The following PLEKHA7 variants were observed in gnomAD, a reference collection of about 807,000 sequenced individuals.
The protein encoded by PLEKHA7 is pleckstrin homology domain-containing family A member 7.
A neutral mutation model predicts 170.0 loss-of-function variants in PLEKHA7; 104 were observed. The ratio of observed to expected loss-of-function variants is 0.61; its 90% CI spans 0.52 to 0.72. PLEKHA7 has a LOEUF of 0.72. Ranked by LOEUF, PLEKHA7 falls within the 30% of genes least tolerant of loss-of-function variation. The pLI is 0.00. For synonymous variants in PLEKHA7, 648 were observed against 660.8 expected (o/e 0.98, Z 0.30); for missense variants, 1,615 against 1,671.7 (o/e 0.97, Z 0.59).
chr11:16,859,134 G>GC (rs991299459), intron 4 of PLEKHA7, among the ~76,000 whole-genome samples: 1 of 152,152 alleles, frequency 6.6e-6, no homozygotes, highest in Non-Finnish European at 1.5e-5. Flanking sequence ...CTTCACCAAG[G>GC]CCCCCCATGA....
chr11:16,959,447 C>T (rs569542201), intron 3 of PLEKHA7, among the ~76,000 whole-genome samples: 61 of 152,272 alleles, frequency 4.0e-4, no homozygotes, highest in Non-Finnish European at 4.4e-4. Context: ...TGTTTGTAAA[C>T]GTTTAATAAA....
intron 10 of PLEKHA7, among the ~76,000 whole-genome samples, chr11:16,822,144 T>C (rs1395445648): frequency 6.6e-6 from 1 of 152,114 alleles, no homozygotes; most frequent in African/African-American, 2.4e-5. Flanking sequence ...AATAACATGG[T>C]TTACAGGCTG....
intron 13 of PLEKHA7, among the ~76,000 whole-genome samples, chr11:16,803,937 A>G (rs1421191849): frequency 6.6e-6 from 1 of 152,226 alleles, no homozygotes; most frequent in African/African-American, 2.4e-5. Flanking sequence ...TGTGTAAGTT[A>G]CAAGAAAGGA....
chr11:16,951,523 G>A (rs11829035), intron 3 of PLEKHA7, among the ~76,000 whole-genome samples: 73,185 of 152,022 alleles, frequency 0.48, 18,459 homozygotes, highest in East Asian at 0.74. Flanking sequence ...ATGCAAATAC[G>A]GAGGCCCAGA....
intron 3 of PLEKHA7, among the ~76,000 whole-genome samples, chr11:16,985,177 T>C (rs148817352): frequency 1.5e-3 from 234 of 152,354 alleles, no homozygotes; most frequent in African/African-American, 5.5e-3. Context: ...GCCCAGCACC[T>C]GGCCCAGGGT....
intron 6 of PLEKHA7, 105 bp downstream of exon 6, chr11:16,854,784 G>A: frequency 7.3e-6 from 7 of 958,592 alleles, no homozygotes; most frequent in South Asian, 5.8e-5. Context: ...ACAAACTCAG[G>A]AACAGAAAGC....
At chr11:16,909,911 C>T (rs1229797704) in intron 3 of PLEKHA7, among the ~76,000 whole-genome samples, 1 of 152,144 alleles carries the variant, frequency 6.6e-6, no homozygotes, top group Non-Finnish European at 1.5e-5. Flanking sequence ...AAGAAACCAG[C>T]TGTTGCCAGA....
At chr11:16,846,851 A>C (rs567754940) in intron 8 of PLEKHA7, among the ~76,000 whole-genome samples, 1 of 152,322 alleles carries the variant, frequency 6.6e-6, no homozygotes, top group South Asian at 2.1e-4. Context: ...CTCTGTCTAC[A>C]GAATGGGACT....
intron 24 of PLEKHA7, 78 bp downstream of exon 24, chr11:16,786,151 C>A: frequency 6.7e-7 from 1 of 1,489,028 alleles, no homozygotes; most frequent in South Asian, 1.3e-5. Context: ...GATGATACCC[C>A]ACAGTGGGAA....
Position 17,014,209 on chromosome 11 carries a change from C to A in PLEKHA7, c.87-8G>T. 1 of 1,568,568 alleles carries A rather than the reference C, an allele frequency of 6.4e-7. No individual in the cohort carries two copies. Among genetic ancestry groups the A allele is most frequent in the Non-Finnish European group, 8.6e-7 (1 of 1,161,610 alleles). On this transcript the variant is annotated splice_polypyrimidine_tract_variant and splice_region_variant and intron_variant, in intron 1 of 26. Transcript: ENST00000531066. Reference sequence around the variant, plus strand: ...GTGCAGCGGAGCTGGTCACTGCGGGCAGAGAGGTGCACCTGTTAGCGCCGC... The same window carrying A: ...GTGCAGCGGAGCTGGTCACTGCGGGAAGAGAGGTGCACCTGTTAGCGCCGC...
At chr11:16,882,790 A>G (rs1406883105) in intron 3 of PLEKHA7, among the ~76,000 whole-genome samples, 3 of 152,182 alleles carry the variant, frequency 2.0e-5, no homozygotes, top group African/African-American at 7.2e-5. Context: ...AGTAGCTTAT[A>G]ATCCAATAGA....
intron 3 of PLEKHA7, among the ~76,000 whole-genome samples, chr11:16,941,932 G>C (rs75753053): frequency 0.017 from 2,600 of 152,254 alleles, 88 homozygotes; most frequent in African/African-American, 0.06. Flanking sequence ...TCTCTCGAAG[G>C]GATTTCCACT....
intron 3 of PLEKHA7, among the ~76,000 whole-genome samples, chr11:16,929,923 G>A (rs1269432706): frequency 5.3e-5 from 8 of 152,126 alleles, no homozygotes; most frequent in Non-Finnish European, 8.8e-5. Flanking sequence ...AGAATCACTC[G>A]AACCCGGGAG....
intron 10 of PLEKHA7, among the ~76,000 whole-genome samples, chr11:16,818,332 C>T (rs1487098185): frequency 1.3e-5 from 2 of 152,226 alleles, no homozygotes; most frequent in African/African-American, 2.4e-5. Flanking sequence ...AATGCAACCC[C>T]CACATCTGAT....
intron 3 of PLEKHA7, among the ~76,000 whole-genome samples, chr11:16,985,229 C>A (rs1460534254): frequency 6.6e-6 from 1 of 152,180 alleles, no homozygotes; most frequent in East Asian, 1.9e-4. Flanking sequence ...ATAAACCAAC[C>A]CACTCCTAGG....
At chr11:16,908,330 T>A (rs955542365) in intron 3 of PLEKHA7, among the ~76,000 whole-genome samples, 1 of 148,738 alleles carries the variant, frequency 6.7e-6, no homozygotes, top group African/African-American at 2.5e-5. Flanking sequence ...TCATCCAATA[T>A]GACTGGTGTT....
At chr11:16,814,916 A>G (rs1215124038) in intron 12 of PLEKHA7, among the ~76,000 whole-genome samples, 1 of 152,208 alleles carries the variant, frequency 6.6e-6, no homozygotes, top group Non-Finnish European at 1.5e-5. Flanking sequence ...ACCATACACC[A>G]GCCTGGCAGT....
chr11:16,834,486 T>C (rs886315463), intron 9 of PLEKHA7, among the ~76,000 whole-genome samples: 1 of 152,074 alleles, frequency 6.6e-6, no homozygotes, highest in Non-Finnish European at 1.5e-5. Context: ...ACTAAGGAAA[T>C]TGGACTTTAT....
intron 3 of PLEKHA7, among the ~76,000 whole-genome samples, chr11:16,931,918 C>CCA (rs1441607067): frequency 1.3e-5 from 2 of 152,142 alleles, no homozygotes; most frequent in African/African-American, 4.8e-5. Context: ...AAAGCATTGG[C>CCA]CACACAGGAA....
Sources: allele counts gnomAD v4.1 joint callset (sites outside exome capture counted in the v4.1 genomes callset), GRCh38; gene constraint gnomAD v4.1.1; transcripts MANE v1.5; gene names NCBI Gene and HGNC (gene_info 2026-07-23, HGNC 2026-07-21).